TTLL11: variants seen among roughly 807,000 people sequenced by gnomAD.
The protein encoded by TTLL11 is tubulin tyrosine ligase like 11.
A neutral mutation model predicts 51.7 loss-of-function variants in TTLL11; 42 were observed. The observed-to-expected ratio is 0.81, with a 90% CI of 0.64 to 1.05. The LOEUF (loss-of-function observed/expected upper bound fraction) is 1.05, where lower values mean the gene tolerates loss of function less well. TTLL11 is among the 50% of genes least tolerant of loss of function. TTLL11 has a pLI of 0.00. For synonymous variants in TTLL11, 381 were observed against 383.5 expected (o/e 0.99, Z 0.08); for missense variants, 799 against 940.4 (o/e 0.85, Z 1.97).
rs912763062 is a variant in TTLL11 at position 121,995,784 on chromosome 9, C to A, written c.694-6014G>T. On this transcript the variant is annotated intron_variant, in intron 3 of 8. Transcript: ENST00000321582. The surrounding 1 kb of genome is among the most constrained non-coding windows in gnomAD (Gnocchi z 4.4). ...CTCCTACAGATGATTAATTCTGATACAACAACTCTCCCAAGCTTGGAAAGA... is the reference window on the plus strand; with the variant it reads ...CTCCTACAGATGATTAATTCTGATAAAACAACTCTCCCAAGCTTGGAAAGA... 3.3e-5 allele frequency among the ~76,000 whole-genome samples: 5 copies of A among 152,102 alleles called. No homozygotes were observed. The highest frequency in any genetic ancestry group is 5.9e-5 in the Non-Finnish European group (4 of 67,986).
At chr9:121,895,683 G>C (rs1391712707) in intron 6 of TTLL11, among the ~76,000 whole-genome samples, 3 of 150,620 alleles carry the variant, frequency 2.0e-5, no homozygotes, top group Non-Finnish European at 3.0e-5. Flanking sequence ...ATGTGTGTCT[G>C]TGTGAATGTG....
chr9:121,928,605 T>C (rs1840838250), intron 6 of TTLL11, among the ~76,000 whole-genome samples: 2 of 152,144 alleles, frequency 1.3e-5, no homozygotes, highest in African/African-American at 4.8e-5. Flanking sequence ...CACACCCAGC[T>C]AATTTTTTGT....
At chr9:121,879,104 T>A (rs1838675990) in intron 6 of TTLL11, among the ~76,000 whole-genome samples, 1 of 152,208 alleles carries the variant, frequency 6.6e-6, no homozygotes, top group African/African-American at 2.4e-5. Context: ...GCAGAGAAGA[T>A]GGACACAGCA....
chr9:122,021,170 A>C (rs945102344), intron 3 of TTLL11, among the ~76,000 whole-genome samples: 1 of 152,204 alleles, frequency 6.6e-6, no homozygotes, highest in African/African-American at 2.4e-5. Context: ...TTCCTGAGAG[A>C]TAGGAATTGA....
At chr9:122,064,525 C>T (rs935356530) in intron 1 of TTLL11, among the ~76,000 whole-genome samples, 1 of 152,150 alleles carries the variant, frequency 6.6e-6, no homozygotes, top group Non-Finnish European at 1.5e-5. Flanking sequence ...TCCCTATATG[C>T]CTGTTGATCA....
chr9:121,844,447 ACTTCATGGCTGG>A (rs1460054497), intron 8 of TTLL11, among the ~76,000 whole-genome samples: 3 of 152,244 alleles, frequency 2.0e-5, no homozygotes, highest in African/African-American at 7.2e-5. Context: ...ATTATCAGGT[ACTTCATGGCTGG>A]CTTTCAACAA....
intron 3 of TTLL11, among the ~76,000 whole-genome samples, chr9:122,011,999 A>G (rs1286650134): frequency 1.3e-5 from 2 of 152,210 alleles, no homozygotes; most frequent in African/African-American, 4.8e-5. Flanking sequence ...TAGCAAGGCC[A>G]GAAAATTTGA....
intron 3 of TTLL11, among the ~76,000 whole-genome samples, chr9:122,006,337 T>C (rs956247379): frequency 3.5e-5 from 4 of 113,080 alleles, no homozygotes; most frequent in Non-Finnish European, 7.0e-5. Context: ...AGTGAGACTA[T>C]CTCAAAAAAA....
intron 6 of TTLL11, 48 bp downstream of exon 6, chr9:121,973,961 G>T: frequency 7.0e-7 from 1 of 1,436,026 alleles, no homozygotes; most frequent in Non-Finnish European, 9.6e-7. Context: ...ACGAAGCCGG[G>T]TTAGGAGGCA....
chr9:121,822,884 G>T lies in TTLL11; in HGVS notation c.1841-5C>A, dbSNP rs543092374. Reference sequence around the variant, plus strand: ...CGAAGGCCTGCAGACACATCCCTGTGAACAAAGAGACTGGATGAGGGGGTG... The same window carrying T: ...CGAAGGCCTGCAGACACATCCCTGTTAACAAAGAGACTGGATGAGGGGGTG... On this transcript the variant is annotated splice_polypyrimidine_tract_variant and splice_region_variant and intron_variant, in intron 8 of 8. Coordinates refer to ENST00000321582, the MANE Select transcript of TTLL11 (RefSeq NM_001139442.2). The surrounding 1 kb of genome is among the most constrained non-coding windows in gnomAD (Gnocchi z 5.8). 6.5e-7 allele frequency: 1 copy of T among 1,546,292 alleles called. No individual in the cohort carries two copies. The highest frequency in any genetic ancestry group is 8.7e-7 in the Non-Finnish European group (1 of 1,144,432).
At position 121,995,410 on chromosome 9, in the gene TTLL11, C is replaced by T. The variant is rs1220665531; in HGVS notation, c.694-5640G>A. The stretch of plus-strand genomic sequence containing the variant: ...CCGAGGCTATCAAAGGTCCAAAGGC[C>T]TGAGCTGGGGCAGGGACAATGCGGT... On this transcript the variant is annotated intron_variant, in intron 3 of 8. Transcript: ENST00000321582. This position sits in a 1 kb window ranked among gnomAD's most constrained non-coding sequence, Gnocchi z 4.4. 6.6e-6 allele frequency among the ~76,000 whole-genome samples: 1 copy of T among 152,222 alleles called. No individual in the cohort carries two copies. Among genetic ancestry groups the T allele is most frequent in the East Asian group, 1.9e-4 (1 of 5,158 alleles).
intron 4 of TTLL11, among the ~76,000 whole-genome samples, chr9:121,982,088 C>T (rs1842841147): frequency 6.6e-6 from 1 of 152,176 alleles, no homozygotes; most frequent in Non-Finnish European, 1.5e-5. Context: ...CTACCTTAGC[C>T]TTCCCAAACT....
intron 2 of TTLL11, among the ~76,000 whole-genome samples, chr9:122,038,428 T>TGA (rs1406226619): frequency 6.6e-6 from 1 of 152,042 alleles, no homozygotes; most frequent in African/African-American, 2.4e-5. Context: ...GTGGGTCACT[T>TGA]GAGGTCAGGA....
intron 3 of TTLL11, among the ~76,000 whole-genome samples, chr9:122,013,856 C>G (rs1478363869): frequency 6.6e-6 from 1 of 152,170 alleles, no homozygotes; most frequent in Non-Finnish European, 1.5e-5. Context: ...ACCCTGGCAG[C>G]AGAAACTTGT....
intron 1 of TTLL11, among the ~76,000 whole-genome samples, chr9:122,072,341 C>T (rs1405314285): frequency 6.6e-6 from 1 of 152,196 alleles, no homozygotes; most frequent in African/African-American, 2.4e-5. Context: ...GTGATCCAGC[C>T]GGAGTAAAAT....
At chr9:121,934,844 A>C (rs750449797) in intron 6 of TTLL11, among the ~76,000 whole-genome samples, 5 of 152,206 alleles carry the variant, frequency 3.3e-5, no homozygotes, top group Non-Finnish European at 5.9e-5. Flanking sequence ...TTACTGTTTC[A>C]TCAAAGACCT....
At chr9:122,021,164 TGA>T (rs1346569908) in intron 3 of TTLL11, among the ~76,000 whole-genome samples, 3 of 152,222 alleles carry the variant, frequency 2.0e-5, no homozygotes, top group Admixed American at 2.0e-4. Context: ...CAGTGATTCC[TGA>T]GAGATAGGAA....
At chr9:122,041,625 G>A (rs1016954485) in intron 1 of TTLL11, among the ~76,000 whole-genome samples, 7 of 152,042 alleles carry the variant, frequency 4.6e-5, no homozygotes, top group Non-Finnish European at 7.4e-5. Context: ...CATACATGAT[G>A]AGGAGCAATC....
rs556824636 is a variant in TTLL11, at chr9:121,928,698, C to T, written c.1481+45311G>A. 2.0e-5 allele frequency among the ~76,000 whole-genome samples: 3 copies of T among 152,158 alleles called. No homozygotes were observed. The East Asian group carries it at 5.8e-4, about 30-fold the overall frequency. ...TCATGGTCTGCCCACCTCAGCCTCC[C>T]AAAGTGCTGGGATTATAGGCTTGAG... On this transcript the variant is annotated intron_variant, in intron 6 of 8. Coordinates refer to ENST00000321582, the MANE Select transcript of TTLL11 (RefSeq NM_001139442.2).
Sources: gnomAD v4.1 joint callset for allele counts (sites outside exome capture counted in the v4.1 genomes callset) on GRCh38, gnomAD v4.1.1 for gene constraint, Gnocchi (gnomAD v3.1) non-coding constraint, MANE v1.5 for transcripts, NCBI Gene and HGNC (gene_info 2026-07-23, HGNC 2026-07-21) for gene names.